GPC5: variants seen among roughly 807,000 people sequenced by gnomAD.
The protein encoded by GPC5 is glypican-5.
In GPC5, 47 loss-of-function variants were observed where a neutral mutation model predicts 53.9. The observed-to-expected ratio is 0.87, with a 90% confidence interval of 0.69 to 1.11. GPC5 has a LOEUF of 1.11. Ranked by LOEUF, GPC5 falls within the 50% of genes most tolerant of loss-of-function variation. The pLI, the probability that GPC5 is intolerant of heterozygous loss-of-function variation, is 0.00. For synonymous variants in GPC5, 286 were observed against 263.3 expected, an observed-to-expected ratio of 1.09 and a Z score of -0.84; for missense variants, 748 against 713.1, an observed-to-expected ratio of 1.05 and a Z score of -0.56.
chr13:92,745,116 T>C (rs953952246), intron 7 of GPC5, among the ~76,000 whole-genome samples: 2 of 150,244 alleles, frequency 1.3e-5, no homozygotes, highest in African/African-American at 5.0e-5. Flanking sequence ...TTGGGATTCA[T>C]TTTCAAATTT....
chr13:92,094,308 A>G (rs1163280346), intron 6 of GPC5, among the ~76,000 whole-genome samples: 1 of 152,072 alleles, frequency 6.6e-6, no homozygotes, highest in Non-Finnish European at 1.5e-5. Context: ...CGAAGTCAGT[A>G]GATTGAGACC....
chr13:91,504,630 A>T (rs1566458642), intron 2 of GPC5, among the ~76,000 whole-genome samples: 1 of 152,176 alleles, frequency 6.6e-6, no homozygotes, highest in East Asian at 1.9e-4. Flanking sequence ...TATAACCTTA[A>T]ATAATAAGAC....
chr13:92,353,647 G>T (rs561004063), intron 7 of GPC5, among the ~76,000 whole-genome samples: 42 of 152,224 alleles, frequency 2.8e-4, no homozygotes, highest in Admixed American at 1.4e-3. Context: ...ATATAAAGCA[G>T]ACTATATATA....
chr13:91,564,985 C>CT (rs1258021534), intron 2 of GPC5, among the ~76,000 whole-genome samples: 6 of 24,648 alleles, frequency 2.4e-4, no homozygotes, highest in African/African-American at 4.8e-4. Flanking sequence ...ATTTCTGTGG[C>CT]TTTTTTTTGG....
intron 7 of GPC5, among the ~76,000 whole-genome samples, chr13:92,788,384 G>T (rs1876338211): frequency 6.6e-6 from 1 of 152,004 alleles, no homozygotes; most frequent in Non-Finnish European, 1.5e-5. Flanking sequence ...AACAAAAATT[G>T]ACCATATTAT....
chr13:92,613,566 A>ATATAATTTATATACAAT (rs1884566242), intron 7 of GPC5, among the ~76,000 whole-genome samples: 2 of 122,846 alleles, frequency 1.6e-5, no homozygotes, highest in African/African-American at 6.6e-5. Flanking sequence ...ATACAATAAT[A>ATATAATTTATATACAAT]TATATAATAT....
intron 7 of GPC5, among the ~76,000 whole-genome samples, chr13:92,500,411 C>T (rs142203588): frequency 2.2e-4 from 34 of 152,210 alleles, no homozygotes; most frequent in African/African-American, 7.7e-4. Context: ...TGTTGCCGGA[C>T]CCCCAGGAGT....
chr13:92,512,960 A>T (rs1199198050), intron 7 of GPC5, among the ~76,000 whole-genome samples: 1 of 152,146 alleles, frequency 6.6e-6, no homozygotes, highest in Non-Finnish European at 1.5e-5. Flanking sequence ...ACGTGATGCG[A>T]TGTTGTCACA....
At chr13:92,325,317 T>C (rs1435166880) in intron 7 of GPC5, among the ~76,000 whole-genome samples, 1 of 151,928 alleles carries the variant, frequency 6.6e-6, no homozygotes, top group African/African-American at 2.4e-5. Context: ...TTGATTCAGA[T>C]TGGATAAAGT....
At chr13:91,857,099 T>C (rs1252046044) in intron 5 of GPC5, among the ~76,000 whole-genome samples, 1 of 151,458 alleles carries the variant, frequency 6.6e-6, no homozygotes, top group East Asian at 1.9e-4. Flanking sequence ...TCTATTAGTC[T>C]ATTTATCTTC....
At chr13:91,792,837 G>T (rs1368256877) in intron 5 of GPC5, among the ~76,000 whole-genome samples, 1 of 152,164 alleles carries the variant, frequency 6.6e-6, no homozygotes, top group Non-Finnish European at 1.5e-5. Flanking sequence ...ACAGCATGTG[G>T]TTGCAGTTGT....
At chr13:92,310,205 T>C (rs1220762048) in intron 7 of GPC5, among the ~76,000 whole-genome samples, 6 of 152,142 alleles carry the variant, frequency 3.9e-5, no homozygotes, top group South Asian at 4.1e-4. Flanking sequence ...ATTCCTTATC[T>C]TGGCTATTGT....
At chr13:91,612,464 G>T (rs1373585451) in intron 2 of GPC5, among the ~76,000 whole-genome samples, 3 of 152,130 alleles carry the variant, frequency 2.0e-5, no homozygotes, top group Non-Finnish European at 4.4e-5. Context: ...TGCCACAGTT[G>T]TCCAGATTCT....
rs1566320427 is a variant in GPC5, at chr13:92,613,406, A to ATATAAATATGATATATAT, written c.1562-252875_1562-252874insATAAATATGATATATATT. Among the ~76,000 whole-genome samples the ATATAAATATGATATATAT allele has an allele frequency of 1.5e-3, 96 of 62,710 alleles. 2 individuals are homozygous for ATATAAATATGATATATAT. The highest frequency in any genetic ancestry group is 0.01 in the South Asian group (13 of 1,246). The allele number at this position is 62,710 out of a possible 152,430, so 41.1% of individuals were successfully genotyped here. ...TATATTATATATAAATATATATTAT[A>ATATAAATATGATATATAT]TTATATATAAATATGATATATATTT... On this transcript the variant is annotated intron_variant, in intron 7 of 7. Transcript: ENST00000377067.
chr13:91,918,487 A>C (rs1031784703), intron 6 of GPC5, among the ~76,000 whole-genome samples: 3 of 152,150 alleles, frequency 2.0e-5, no homozygotes, highest in Non-Finnish European at 4.4e-5. Flanking sequence ...GGTTTTGCAA[A>C]TATTTATTGT....
At chr13:92,582,000 T>G (rs1883388854) in intron 7 of GPC5, among the ~76,000 whole-genome samples, 1 of 152,184 alleles carries the variant, frequency 6.6e-6, no homozygotes, top group Non-Finnish European at 1.5e-5. Flanking sequence ...ATTCTGTAGG[T>G]TGTCTCTTCA....
At chr13:92,765,420 G>A (rs1875363538) in intron 7 of GPC5, among the ~76,000 whole-genome samples, 1 of 152,112 alleles carries the variant, frequency 6.6e-6, no homozygotes, top group Admixed American at 6.6e-5. Context: ...AGTTTATATG[G>A]AATTCATTAG....
rs530309134 is a variant in GPC5, at chr13:92,647,584, C to T, written c.1562-218698C>T. 2.0e-5 allele frequency among the ~76,000 whole-genome samples: 3 copies of T among 152,110 alleles called. No individual in the cohort carries two copies. The East Asian group carries it at 5.8e-4, about 30-fold the overall frequency. On this transcript the variant is annotated intron_variant, in intron 7 of 7. Coordinates refer to ENST00000377067, the MANE Select transcript of GPC5 (RefSeq NM_004466.6). ...CACCAAGAAAATCTCATGAGATAAT[C>T]AAACCTCAAGCAGAGTTTGAACTCT...
intron 5 of GPC5, among the ~76,000 whole-genome samples, chr13:91,900,909 C>A (rs1480170567): frequency 6.6e-6 from 1 of 152,044 alleles, no homozygotes; most frequent in African/African-American, 2.4e-5. Context: ...ACTTACCTGC[C>A]ACCTGACTAA....
Sources: allele counts gnomAD v4.1 joint callset (sites outside exome capture counted in the v4.1 genomes callset), GRCh38; gene constraint gnomAD v4.1.1; transcripts MANE v1.5; gene names NCBI Gene and HGNC (gene_info 2026-07-23, HGNC 2026-07-21).